TBC1D22A: variants seen among roughly 807,000 people sequenced by gnomAD.
TBC1D22A encodes the protein putative GTPase activator.
In TBC1D22A, 38 loss-of-function variants were observed where a neutral mutation model predicts 60.2. That is an observed-to-expected ratio of 0.63 (90% confidence interval 0.49 to 0.83). The LOEUF (loss-of-function observed/expected upper bound fraction) is 0.83, where lower values mean the gene tolerates loss of function less well. Ranked by LOEUF, TBC1D22A falls within the 40% of genes least tolerant of loss-of-function variation. TBC1D22A has a pLI of 0.00. For missense variants in TBC1D22A, 628 were observed against 701.0 expected (o/e 0.90, Z 1.18); for synonymous variants, 302 against 281.7 (o/e 1.07, Z -0.72).
At chr22:47,026,997 A>G (rs1186594345) in intron 10 of TBC1D22A, among the ~76,000 whole-genome samples, 1 of 152,174 alleles carries the variant, frequency 6.6e-6, no homozygotes, top group Admixed American at 6.5e-5. Context: ...GTGTGTTCAC[A>G]TTAGCTGATT....
chr22:46,940,955 T>G (rs1437984958), intron 8 of TBC1D22A, among the ~76,000 whole-genome samples: 1 of 136,714 alleles, frequency 7.3e-6, no homozygotes, highest in African/African-American at 2.8e-5. Flanking sequence ...GCATGGGGAC[T>G]GAGGCACTAG....
intron 8 of TBC1D22A, among the ~76,000 whole-genome samples, chr22:46,922,245 T>C (rs1287185344): frequency 6.6e-6 from 1 of 152,168 alleles, no homozygotes; most frequent in Non-Finnish European, 1.5e-5. Flanking sequence ...TTGGTCTGTG[T>C]GTCTGTTTTT....
chr22:46,941,817 T>TAGAATA (rs1236167675), intron 8 of TBC1D22A, among the ~76,000 whole-genome samples: 7,387 of 83,080 alleles, frequency 0.089, 369 homozygotes, highest in Non-Finnish European at 0.12. Flanking sequence ...ATAGAATATA[T>TAGAATA]ATAGAATATA....
intron 5 of TBC1D22A, 82 bp from the exon 6 acceptor site, chr22:46,891,184 A>G (rs1321562003): frequency 1.4e-6 from 2 of 1,427,940 alleles, no homozygotes; most frequent in Admixed American, 2.6e-5. Flanking sequence ...GTATGATGCA[A>G]GTCTTTTTAT....
chr22:47,088,998 T>G (rs1179693608), intron 11 of TBC1D22A, among the ~76,000 whole-genome samples: 1 of 152,058 alleles, frequency 6.6e-6, no homozygotes, highest in Non-Finnish European at 1.5e-5. Context: ...GGGAATAAAC[T>G]AGCCAGAACT....
At chr22:47,102,516 C>T (rs2065459360) in intron 11 of TBC1D22A, among the ~76,000 whole-genome samples, 1 of 152,208 alleles carries the variant, frequency 6.6e-6, no homozygotes, top group African/African-American at 2.4e-5. Context: ...CTGGATTATG[C>T]CTCATTAAAG....
At chr22:46,809,635 G>T (rs1039567666) in intron 4 of TBC1D22A, among the ~76,000 whole-genome samples, 1 of 152,038 alleles carries the variant, frequency 6.6e-6, no homozygotes, top group Non-Finnish European at 1.5e-5. Flanking sequence ...TTGGGGTGGC[G>T]CATGTCAGGT....
chr22:46,896,161 C>T (rs1288190426), intron 7 of TBC1D22A, among the ~76,000 whole-genome samples: 1 of 152,190 alleles, frequency 6.6e-6, no homozygotes, highest in Non-Finnish European at 1.5e-5. Flanking sequence ...TCTGTCTTTC[C>T]CCCTTCTGCG....
chr22:47,047,575 C>T (rs1439258754), intron 11 of TBC1D22A, among the ~76,000 whole-genome samples: 1 of 152,236 alleles, frequency 6.6e-6, no homozygotes, highest in African/African-American at 2.4e-5. Context: ...TGTCGGGAAG[C>T]ACCGGCTGCC....
At chr22:47,026,821 A>T (rs2062272613) in intron 10 of TBC1D22A, among the ~76,000 whole-genome samples, 1 of 152,226 alleles carries the variant, frequency 6.6e-6, no homozygotes, top group South Asian at 2.1e-4. Flanking sequence ...CACCAAACTG[A>T]TCATACATTC....
intron 8 of TBC1D22A, among the ~76,000 whole-genome samples, chr22:46,943,170 G>A (rs181506948): frequency 6.6e-6 from 1 of 152,050 alleles, no homozygotes; most frequent in Non-Finnish European, 1.5e-5. Context: ...CCTCCGAAGG[G>A]AGCTGCCCGC....
chr22:46,860,210 G>A (rs1271308420), intron 4 of TBC1D22A, among the ~76,000 whole-genome samples: 2 of 9,090 alleles, frequency 2.2e-4, no homozygotes, highest in Non-Finnish European at 3.7e-4. Flanking sequence ...ATAGAGGTCC[G>A]CGCAGTGCTG....
chr22:46,813,582 G>A (rs1408263476), intron 4 of TBC1D22A, among the ~76,000 whole-genome samples: 1 of 152,166 alleles, frequency 6.6e-6, no homozygotes, highest in African/African-American at 2.4e-5. Context: ...CGAGGCACAG[G>A]GGACCCAAAG....
intron 6 of TBC1D22A, among the ~76,000 whole-genome samples, chr22:46,893,851 T>C (rs1055189091): frequency 1.3e-5 from 2 of 152,214 alleles, no homozygotes; most frequent in South Asian, 2.1e-4. Flanking sequence ...TGCCTCAGCT[T>C]ACTCCATTTG....
Position 46,762,812 on chromosome 22 carries a change from A to G in TBC1D22A, c.26A>G (p.Gln9Arg). The G allele has an allele frequency of 6.9e-7, 1 of 1,456,246 alleles. No homozygotes were observed. The highest frequency in any genetic ancestry group is 9.0e-7 in the Non-Finnish European group (1 of 1,112,176). The allele number at this position is 1,456,246 out of a possible 1,614,324, so 90.2% of individuals were successfully genotyped here. Residue 9 changes from glutamine to arginine, a missense_variant, in exon 1 of 13, where the codon CAA (glutamine) becomes CGA (arginine). Coordinates refer to ENST00000337137, the MANE Select transcript of TBC1D22A (RefSeq NM_014346.5). The part of the protein sequence containing the change: MASDGARK[Q>R]FWKRSNSKLP... The stretch of plus-strand genomic sequence containing the variant: ...ATGGCCAGCGACGGGGCCAGGAAGC[A>G]ATTCTGGAAGCGCAGCAACAGCAAG...
Position 47,009,497 on chromosome 22 carries a change from C to T in TBC1D22A, c.1201+11788C>T, listed in dbSNP as rs2061689671. ...ATCACTATCACCATCATTTCATCACCATCATCACCACCATCATCTTCACCA... is the reference window on the plus strand; with the variant it reads ...ATCACTATCACCATCATTTCATCACTATCATCACCACCATCATCTTCACCA... On this transcript the variant is annotated intron_variant, in intron 10 of 12. Coordinates refer to ENST00000337137, the MANE Select transcript of TBC1D22A (RefSeq NM_014346.5). This position sits in a 1 kb window ranked among gnomAD's most constrained non-coding sequence, Gnocchi z 5.8. 1.1e-5 allele frequency among the ~76,000 whole-genome samples: 1 copy of T among 87,910 alleles called. No homozygotes were observed. Among genetic ancestry groups the T allele is most frequent in the Non-Finnish European group, 2.8e-5 (1 of 36,118 alleles). The allele number at this position is 87,910 out of a possible 152,430, so 57.7% of individuals were successfully genotyped here.
intron 4 of TBC1D22A, among the ~76,000 whole-genome samples, chr22:46,841,073 T>TGTGTGTGTGTGTGTGAGA (rs35099198): frequency 2.0e-5 from 3 of 148,568 alleles, no homozygotes; most frequent in African/African-American, 7.5e-5. Flanking sequence ...TGTGTGTGTG[T>TGTGTGTGTGTGTGTGAGA]GAGAGAGAGA....
At chr22:47,064,371 A>G (rs889116156) in intron 11 of TBC1D22A, among the ~76,000 whole-genome samples, 22 of 152,146 alleles carry the variant, frequency 1.4e-4, no homozygotes, top group African/African-American at 5.1e-4. Context: ...GAATTAGAAA[A>G]CCAGAATCCC....
intron 12 of TBC1D22A, among the ~76,000 whole-genome samples, chr22:47,159,915 G>GCCACAGACATGTGTCACATGCA (rs2067904417): frequency 6.7e-6 from 1 of 149,856 alleles, no homozygotes; most frequent in African/African-American, 2.5e-5. Flanking sequence ...ACACACATGT[G>GCCACAGACATGTGTCACATGCA]CCACATACAT....
Sources: gnomAD v4.1 joint callset for allele counts (sites outside exome capture counted in the v4.1 genomes callset) on GRCh38, gnomAD v4.1.1 for gene constraint, Gnocchi (gnomAD v3.1) non-coding constraint, MANE v1.5 for transcripts, NCBI Gene and HGNC (gene_info 2026-07-23, HGNC 2026-07-21) for gene names.